IQCH: variants seen among roughly 807,000 people sequenced by gnomAD.
The protein encoded by IQCH is IQ domain-containing protein H.
In IQCH, 98 loss-of-function variants were observed where a neutral mutation model predicts 117.0. The observed-to-expected ratio is 0.84, with a 90% CI of 0.71 to 0.99. IQCH has a LOEUF of 0.99. Among genes scored for constraint, IQCH ranks in the 50% least tolerant of loss-of-function variants. The pLI, the probability that IQCH is intolerant of heterozygous loss-of-function variation, is 0.00. For synonymous variants in IQCH, 412 were observed against 448.2 expected (o/e 0.92, Z 1.02); for missense variants, 1,102 against 1,243.8 (o/e 0.89, Z 1.72).
chr15:67,386,538 T>G lies in IQCH; in HGVS notation c.1456+1519T>G, dbSNP rs1971113117. 1.3e-5 allele frequency among the ~76,000 whole-genome samples: 2 copies of G among 152,196 alleles called. No individual in the cohort carries two copies. Among genetic ancestry groups the G allele is most frequent in the Admixed American group, 1.3e-4 (2 of 15,274 alleles). On this transcript the variant is annotated intron_variant, in intron 11 of 20. Transcript: ENST00000335894. This position sits in a 1 kb window ranked among gnomAD's most constrained non-coding sequence, Gnocchi z 5.0. ...AGTACTTTTTTGTGAAATAAAAATG[T>G]GAAGAAAATAGAAAAATAAGTAATA...
At chr15:67,287,625 T>C (rs1006828955) in intron 4 of IQCH, among the ~76,000 whole-genome samples, 1 of 151,548 alleles carries the variant, frequency 6.6e-6, no homozygotes, top group African/African-American at 2.4e-5. Flanking sequence ...TTGTCATCTC[T>C]GATTTTATTT....
At position 67,254,928 on chromosome 15, in the gene IQCH, T is replaced by A; in HGVS notation, c.32T>A (p.Val11Asp). 1 of 1,613,778 alleles carries A rather than the reference T, an allele frequency of 6.2e-7. No homozygotes were observed. The highest frequency in any genetic ancestry group is 8.5e-7 in the Non-Finnish European group (1 of 1,179,812). ...CAGAACACTGAAAACCACGACCCTG[T>A]CGGATCCATCTTAATCCAGGTGGGA... MAQNTENHDP[V>D]GSILIQIHED... The change falls in exon 1 of 21, where the codon GTC (valine) becomes GAC (aspartate). Residue 11 changes from valine (V) to aspartate (D), a missense_variant. Physicochemically the swap from Val to Asp is radical, Grantham distance 152. Transcript: ENST00000335894.
intron 4 of IQCH, among the ~76,000 whole-genome samples, chr15:67,294,642 A>G (rs1006057179): frequency 6.6e-6 from 1 of 152,210 alleles, no homozygotes. Flanking sequence ...GATGACAAGC[A>G]TGGACAAAAG....
chr15:67,310,875 A>C (rs1010419596), intron 4 of IQCH, among the ~76,000 whole-genome samples: 1 of 152,150 alleles, frequency 6.6e-6, no homozygotes. Flanking sequence ...AAGGGTGGCG[A>C]GATATCTGAA....
intron 17 of IQCH, among the ~76,000 whole-genome samples, chr15:67,468,981 A>G (rs1216957197): frequency 6.6e-6 from 1 of 152,238 alleles, no homozygotes; most frequent in Non-Finnish European, 1.5e-5. Flanking sequence ...GAACTAAATC[A>G]ATTTAAATTG....
intron 16 of IQCH, among the ~76,000 whole-genome samples, chr15:67,446,654 A>G (rs1479381216): frequency 1.3e-5 from 2 of 152,172 alleles, no homozygotes; most frequent in African/African-American, 4.8e-5. Flanking sequence ...CCTTTCAGCC[A>G]GCAGCTACTC....
At chr15:67,402,017 C>T (rs1192219980) in intron 14 of IQCH, among the ~76,000 whole-genome samples, 1 of 152,110 alleles carries the variant, frequency 6.6e-6, no homozygotes, top group Non-Finnish European at 1.5e-5. Flanking sequence ...ATTCTCTTGA[C>T]ATTACACTAT....
chr15:67,307,978 G>A (rs1023671911), intron 4 of IQCH, among the ~76,000 whole-genome samples: 4 of 152,150 alleles, frequency 2.6e-5, no homozygotes, highest in Non-Finnish European at 4.4e-5. Context: ...GTGCAGTTGA[G>A]GCAGACAAAG....
At chr15:67,301,295 A>AT (rs2140529427) in intron 4 of IQCH, among the ~76,000 whole-genome samples, 1 of 151,392 alleles carries the variant, frequency 6.6e-6, no homozygotes, top group South Asian at 2.1e-4. Flanking sequence ...TAATACAGCT[A>AT]TGCTTATAAG....
In IQCH at chr15:67,408,358, G is replaced by A. The variant is rs546755799; in HGVS notation, c.2097+8053G>A. The stretch of plus-strand genomic sequence containing the variant: ...TGGTCGTCTGTCCTTGGTGCCCCTC[G>A]GTGAGACAGGGATGCCCTTGAGAAA... On this transcript the variant is annotated intron_variant, in intron 14 of 20. Coordinates refer to ENST00000335894, the MANE Select transcript of IQCH (RefSeq NM_001031715.3). This position sits in a 1 kb window ranked among gnomAD's most constrained non-coding sequence, Gnocchi z 4.2. 6.2e-4 allele frequency: 94 copies of A among 152,306 alleles called. No individual in the cohort carries two copies. Among genetic ancestry groups the A allele is most frequent in the African/African-American group, 2.1e-3 (88 of 41,566 alleles). The allele number at this position is 152,306 out of a possible 1,614,324, so 9.4% of individuals were successfully genotyped here. A position where few individuals can be genotyped will look rare whatever the true frequency, so the allele number is the denominator to read the frequency against.
In IQCH at chr15:67,400,263, T is replaced by C. The variant is rs1971603094; in HGVS notation, c.2055T>C (p.Ser685=). ...GCTACAAATGGGTGCTAAAGGAGAGTAGCAGATATGGCCTTGAAGACTGGA... is the reference window on the plus strand; with the variant it reads ...GCTACAAATGGGTGCTAAAGGAGAGCAGCAGATATGGCCTTGAAGACTGGA... ...LKCYKWVLKE[S]SRYGLEDWRK... The change falls in exon 14 of 21, where the codon AGT becomes AGC. Residue 685 remains serine, a synonymous_variant. Coordinates refer to ENST00000335894, the MANE Select transcript of IQCH (RefSeq NM_001031715.3). The C allele has an allele frequency of 6.2e-7, 1 of 1,613,554 alleles. No homozygotes were observed. Among genetic ancestry groups the C allele is most frequent in the Non-Finnish European group, 8.5e-7 (1 of 1,179,714 alleles).
At chr15:67,418,837 C>T (rs1444056284) in intron 15 of IQCH, among the ~76,000 whole-genome samples, 1 of 151,830 alleles carries the variant, frequency 6.6e-6, no homozygotes, top group Non-Finnish European at 1.5e-5. Context: ...CTCGGCCTCC[C>T]GAAGTGCTGG....
chr15:67,442,209 G>A (rs1285595750), intron 16 of IQCH, among the ~76,000 whole-genome samples: 2 of 152,024 alleles, frequency 1.3e-5, no homozygotes, highest in Admixed American at 1.3e-4. Flanking sequence ...TCAGGAGTTG[G>A]AGACCAGCCT....
Position 67,427,832 on chromosome 15 carries a change from T to C in IQCH, c.2505+6255T>C, listed in dbSNP as rs2081928152. ...GTAGTCTAAATTCCAATAATAGATT[T>C]TTTTTTTTTTTTTTGAAGCAGAATC... On this transcript the variant is annotated intron_variant, in intron 16 of 20. Coordinates refer to ENST00000335894, the MANE Select transcript of IQCH (RefSeq NM_001031715.3). The surrounding 1 kb of genome is among the most constrained non-coding windows in gnomAD (Gnocchi z 4.7). Among the ~76,000 whole-genome samples, 1 of 147,962 alleles carries C rather than the reference T, an allele frequency of 6.8e-6. No individual in the cohort carries two copies. Among genetic ancestry groups the C allele is most frequent in the Non-Finnish European group, 1.5e-5 (1 of 67,554 alleles).
chr15:67,448,804 C>T (rs1567197863), intron 16 of IQCH, among the ~76,000 whole-genome samples: 1 of 152,182 alleles, frequency 6.6e-6, no homozygotes, highest in African/African-American at 2.4e-5. Context: ...AATCGCCACA[C>T]TGACTTCCAC....
At chr15:67,258,296 G>A (rs1225805552) in intron 1 of IQCH, among the ~76,000 whole-genome samples, 3 of 151,656 alleles carry the variant, frequency 2.0e-5, no homozygotes, top group Non-Finnish European at 2.9e-5. Context: ...TTAGGAGGCC[G>A]AGGCGGGAGA....
intron 10 of IQCH, chr15:67,373,794 C>T (rs541438093): frequency 5.3e-5 from 18 of 337,286 alleles, no homozygotes; most frequent in Middle Eastern, 9.2e-4. Flanking sequence ...GTTGCTGTTA[C>T]GCCAATAAGC....
intron 4 of IQCH, among the ~76,000 whole-genome samples, chr15:67,301,401 G>GTTTTTTT (rs10663973): frequency 1.3e-5 from 1 of 75,374 alleles, no homozygotes; most frequent in Non-Finnish European, 2.3e-5. Flanking sequence ...GTTATGTTAA[G>GTTTTTTT]TTTTTTTTTT....
chr15:67,433,986 G>T lies in IQCH; in HGVS notation c.2505+12409G>T, dbSNP rs1355412424. ...CCCAAAAAAAGTATTTTTATTTAAG[G>T]TGTACAACATGATATTTCAATATAA... On this transcript the variant is annotated intron_variant, in intron 16 of 20. Coordinates refer to ENST00000335894, the MANE Select transcript of IQCH (RefSeq NM_001031715.3). This position sits in a 1 kb window ranked among gnomAD's most constrained non-coding sequence, Gnocchi z 5.4. Among the ~76,000 whole-genome samples, 1 of 152,046 alleles carries T rather than the reference G, an allele frequency of 6.6e-6. No homozygotes were observed. Among genetic ancestry groups the T allele is most frequent in the Admixed American group, 6.6e-5 (1 of 15,256 alleles).
Sources: allele counts gnomAD v4.1 joint callset (sites outside exome capture counted in the v4.1 genomes callset), GRCh38; gene constraint gnomAD v4.1.1; non-coding constraint Gnocchi (gnomAD v3.1); transcripts MANE v1.5; gene names NCBI Gene and HGNC (gene_info 2026-07-23, HGNC 2026-07-21).